PTPRT: variants seen among roughly 807,000 people sequenced by gnomAD.
The protein encoded by PTPRT is protein tyrosine phosphatase receptor type T.
In PTPRT, 56 loss-of-function variants were observed where a neutral mutation model predicts 176.8. That is an observed-to-expected ratio of 0.32 (90% CI 0.26 to 0.40). The LOEUF (loss-of-function observed/expected upper bound fraction) is 0.40, where lower values mean the gene tolerates loss of function less well. Among genes scored for constraint, PTPRT ranks in the 10% least tolerant of loss-of-function variants. PTPRT has a pLI of 1.00. For missense variants in PTPRT, 1,540 were observed against 1,908.2 expected (o/e 0.81, Z 3.60); for synonymous variants, 783 against 739.0 (o/e 1.06, Z -0.96).
chr20:42,499,968 A>G (rs1208150975), intron 7 of PTPRT, among the ~76,000 whole-genome samples: 1 of 152,166 alleles, frequency 6.6e-6, no homozygotes, highest in Non-Finnish European at 1.5e-5. Context: ...ACTATATCAC[A>G]GTTCATTCAT....
In PTPRT at chr20:42,216,285, GC is replaced by G. The variant is rs564382062; in HGVS notation, c.2343-16898del. On this transcript the variant is annotated intron_variant, in intron 15 of 30. Coordinates refer to ENST00000373187, the MANE Select transcript of PTPRT (RefSeq NM_007050.6). ...TGAATGGCTAACTTACAGGGCTATT[GC>G]CCTGCTAGACTATAACCACAAGGAC... is the stretch of plus-strand genomic sequence containing the variant. Among the ~76,000 whole-genome samples, 106 of 152,274 alleles carry G rather than the reference GC, an allele frequency of 7.0e-4. 1 individual carries two copies. Among genetic ancestry groups the G allele is most frequent in the African/African-American group, 2.3e-3 (94 of 41,562 alleles).
intron 11 of PTPRT, among the ~76,000 whole-genome samples, chr20:42,349,167 G>A (rs2058240191): frequency 6.6e-6 from 1 of 152,172 alleles, no homozygotes; most frequent in African/African-American, 2.4e-5. Flanking sequence ...AGCCTCCAGT[G>A]ACACAAGGAG....
intron 6 of PTPRT, among the ~76,000 whole-genome samples, chr20:42,744,853 C>A (rs931648163): frequency 3.3e-5 from 5 of 152,220 alleles, no homozygotes; most frequent in Admixed American, 6.5e-5. Context: ...TGCAGCAGTT[C>A]TGCTCACATT....
At chr20:42,711,143 C>T (rs1451968680) in intron 6 of PTPRT, among the ~76,000 whole-genome samples, 4 of 152,176 alleles carry the variant, frequency 2.6e-5, no homozygotes, top group African/African-American at 7.2e-5. Context: ...TGTTTTGAGT[C>T]TCAGATAAGA....
chr20:42,230,001 C>G (rs758363724), intron 15 of PTPRT, among the ~76,000 whole-genome samples: 4 of 152,118 alleles, frequency 2.6e-5, no homozygotes, highest in Non-Finnish European at 4.4e-5. Flanking sequence ...ATGGAGAATA[C>G]CCTAATGAGC....
chr20:42,928,702 C>T (rs1368249808), intron 1 of PTPRT, among the ~76,000 whole-genome samples: 1 of 152,154 alleles, frequency 6.6e-6, no homozygotes, highest in African/African-American at 2.4e-5. Context: ...CCTGCTGTGA[C>T]AATAACTCCT....
chr20:42,260,869 C>A (rs1371654735), intron 13 of PTPRT, among the ~76,000 whole-genome samples: 1 of 152,142 alleles, frequency 6.6e-6, no homozygotes, highest in Non-Finnish European at 1.5e-5. Context: ...ATGTAGAATA[C>A]AGTCAACAAG....
chr20:42,880,936 G>A (rs546132723), intron 2 of PTPRT, among the ~76,000 whole-genome samples: 4 of 152,326 alleles, frequency 2.6e-5, no homozygotes, highest in Admixed American at 1.3e-4. Flanking sequence ...AGGTGGGGTG[G>A]AGGAAATGTC....
chr20:42,972,066 T>C lies in PTPRT; in HGVS notation c.89-86134A>G, dbSNP rs368175042. ...TATATGACAGTGACTGAATGGTAGG[T>C]AGTCAAAGAAGGCCTCCTAGAGGTG... On this transcript the variant is annotated intron_variant, in intron 1 of 30. Coordinates refer to ENST00000373187, the MANE Select transcript of PTPRT (RefSeq NM_007050.6). 2.0e-5 allele frequency among the ~76,000 whole-genome samples: 3 copies of C among 150,680 alleles called. No individual in the cohort carries two copies. The East Asian group carries it at 6.1e-4, about 31-fold the overall frequency.
chr20:43,016,552 C>CTTTTTTTTTTTTTTT lies in PTPRT; in HGVS notation c.89-130635_89-130621dup, dbSNP rs11482189. On this transcript the variant is annotated intron_variant, in intron 1 of 30. Transcript: ENST00000373187. ...CATTTCTCTAACTGCTCTAAGGCCA[C>CTTTTTTTTTTTTTTT]TTTTTTTTTTTTTTTTTTTTTTTTT... Among the ~76,000 whole-genome samples, 124 of 76,234 alleles carry CTTTTTTTTTTTTTTT rather than the reference C, an allele frequency of 1.6e-3. 17 individuals carry two copies. The highest frequency in any genetic ancestry group is 8.1e-3 in the African/African-American group (116 of 14,282). 50.0% of individuals were successfully genotyped at this position (76,234 alleles called of 152,430 possible). A position where few individuals can be genotyped will look rare whatever the true frequency, so the allele number is the denominator to read the frequency against.
chr20:43,132,650 G>A (rs2013679000), intron 1 of PTPRT, among the ~76,000 whole-genome samples: 1 of 152,162 alleles, frequency 6.6e-6, no homozygotes. Context: ...AGGATTTGAG[G>A]AGACTTCTCC....
At chr20:42,591,975 C>CTTTTT (rs71335866) in intron 7 of PTPRT, among the ~76,000 whole-genome samples, 44 of 102,370 alleles carry the variant, frequency 4.3e-4, no homozygotes, top group South Asian at 6.8e-4. Context: ...GCTGGAGATT[C>CTTTTT]TTTTTTTTTT....
At chr20:42,161,233 A>G (rs553568472) in intron 17 of PTPRT, 119 bp downstream of exon 17, 1 of 1,144,570 alleles carries the variant, frequency 8.7e-7, no homozygotes, top group Non-Finnish European at 1.3e-6. Context: ...CATTTCCTAC[A>G]CGCTCCCAGG....
chr20:42,379,062 C>T (rs555388219), intron 9 of PTPRT, among the ~76,000 whole-genome samples: 20 of 152,296 alleles, frequency 1.3e-4, no homozygotes, highest in African/African-American at 4.8e-4. Context: ...TGCTGCATTT[C>T]GTTTTGAACA....
At chr20:42,761,720 C>T (rs1361177123) in intron 5 of PTPRT, among the ~76,000 whole-genome samples, 1 of 152,184 alleles carries the variant, frequency 6.6e-6, no homozygotes, top group Non-Finnish European at 1.5e-5. Flanking sequence ...TAAAAATGCA[C>T]ATCTTGATTC....
At chr20:42,623,947 C>G (rs2074244472) in intron 7 of PTPRT, among the ~76,000 whole-genome samples, 1 of 151,596 alleles carries the variant, frequency 6.6e-6, no homozygotes, top group Non-Finnish European at 1.5e-5. Context: ...CTGCAATACA[C>G]CTGAGCTCAT....
intron 7 of PTPRT, among the ~76,000 whole-genome samples, chr20:42,569,144 C>G (rs1318654371): frequency 3.2e-5 from 4 of 125,480 alleles, no homozygotes; most frequent in Non-Finnish European, 4.8e-5. Flanking sequence ...CAGTACTGCT[C>G]TAAGTATTTT....
At chr20:43,005,126 C>A (rs866321809) in intron 1 of PTPRT, among the ~76,000 whole-genome samples, 1 of 151,854 alleles carries the variant, frequency 6.6e-6, no homozygotes, top group Non-Finnish European at 1.5e-5. Flanking sequence ...TGCATCTCAC[C>A]AGCACCCAGG....
the PTPRT span, among the ~76,000 whole-genome samples, chr20:42,062,155 TAAG>T: frequency 6.6e-6 from 1 of 152,288 alleles, no homozygotes; most frequent in African/African-American, 2.4e-5. Flanking sequence ...CGGCAGGCCT[TAAG>T]AAGATTGCTT....
Sources: allele counts gnomAD v4.1 joint callset (sites outside exome capture counted in the v4.1 genomes callset), GRCh38; gene constraint gnomAD v4.1.1; transcripts MANE v1.5; gene names NCBI Gene and HGNC (gene_info 2026-07-23, HGNC 2026-07-21).